AGAP1: variants seen among roughly 807,000 people sequenced by gnomAD.
AGAP1 encodes arf-GAP with GTPase, ANK repeat and PH domain-containing protein 1.
AGAP1 carries 29 observed loss-of-function variants against 105.3 expected under a neutral mutation model. The observed-to-expected ratio is 0.28, with a 90% CI of 0.21 to 0.38. AGAP1 has a LOEUF of 0.38. AGAP1 is among the 10% of genes least tolerant of loss of function. The pLI is 1.00. For missense variants in AGAP1, 998 were observed against 1,165.1 expected (o/e 0.86, Z 2.09); for synonymous variants, 509 against 485.9 (o/e 1.05, Z -0.63).
chr2:235,572,467 G>A (rs182744407), intron 1 of AGAP1, among the ~76,000 whole-genome samples: 9 of 152,110 alleles, frequency 5.9e-5, no homozygotes, highest in Admixed American at 1.3e-4. Flanking sequence ...CCCTTCCCCC[G>A]CAGGTGCTCC....
At position 235,739,912 on chromosome 2, in the gene AGAP1, T is replaced by A. The variant is rs1952476835; in HGVS notation, c.311-1051T>A. 6.6e-6 allele frequency among the ~76,000 whole-genome samples: 1 copy of A among 152,226 alleles called. No individual in the cohort carries two copies. Among genetic ancestry groups the A allele is most frequent in the African/African-American group, 2.4e-5 (1 of 41,468 alleles). ...GGCAGTGGAGCTGGCAGGCAGCCTC[T>A]GGGCTCTGGCAGCATTGTCCTCTGG... On this transcript the variant is annotated intron_variant, in intron 3 of 17. Coordinates refer to ENST00000304032, the MANE Select transcript of AGAP1 (RefSeq NM_001037131.3). The surrounding 1 kb of genome is among the most constrained non-coding windows in gnomAD (Gnocchi z 5.3).
Position 235,674,378 on chromosome 2 carries a change from A to AG in AGAP1, c.164-34796dup, listed in dbSNP as rs765983724. ...AATAATAAATGATAAATGACATTGT[A>AG]GGGGGTCCCCTTGCAGCGCATGCTC... is the stretch of plus-strand genomic sequence containing the variant. On this transcript the variant is annotated intron_variant, in intron 1 of 17. Transcript: ENST00000304032. Among the ~76,000 whole-genome samples, 30 of 152,354 alleles carry AG rather than the reference A, an allele frequency of 2.0e-4. No homozygotes were observed. In the South Asian group the frequency reaches 2.1e-3, roughly 11 times the overall value.
intron 9 of AGAP1, among the ~76,000 whole-genome samples, chr2:235,836,966 G>T (rs1960238083): frequency 6.6e-6 from 1 of 151,224 alleles, no homozygotes; most frequent in Non-Finnish European, 1.5e-5. Context: ...GAGTTCAAGG[G>T]TTTTTTGTTG....
rs2050389966 is a variant in AGAP1, at chr2:235,888,801, A to G, written c.1155+5352A>G. 6.6e-6 allele frequency among the ~76,000 whole-genome samples: 1 copy of G among 151,818 alleles called. No homozygotes were observed. The highest frequency in any genetic ancestry group is 2.4e-5 in the African/African-American group (1 of 41,334). ...CCCCAGCCTTCCCTGTGGCCACTTC[A>G]GCTCCTGCGTGCTCCCAGCAGTGCC... On this transcript the variant is annotated intron_variant, in intron 10 of 17. Transcript: ENST00000304032. This position sits in a 1 kb window ranked among gnomAD's most constrained non-coding sequence, Gnocchi z 4.8.
rs1000686872 is a variant in AGAP1 at position 235,556,341 on chromosome 2, G to C, written c.163+61492G>C. ...CTATACCTGCCTTCTGCATTCTGGG[G>C]CTACCCTTTGCTCCAGTGGCTACAG... On this transcript the variant is annotated intron_variant, in intron 1 of 17. Coordinates refer to ENST00000304032, the MANE Select transcript of AGAP1 (RefSeq NM_001037131.3). The surrounding 1 kb of genome is among the most constrained non-coding windows in gnomAD (Gnocchi z 5.3). Among the ~76,000 whole-genome samples, 2 of 152,230 alleles carry C rather than the reference G, an allele frequency of 1.3e-5. No homozygotes were observed. Among genetic ancestry groups the C allele is most frequent in the Admixed American group, 6.5e-5 (1 of 15,284 alleles).
chr2:235,624,161 T>A (rs540405989), intron 1 of AGAP1, among the ~76,000 whole-genome samples: 129 of 152,336 alleles, frequency 8.5e-4, no homozygotes, highest in Non-Finnish European at 1.5e-3. Flanking sequence ...ACAGGATGGT[T>A]CAAATACTAA....
chr2:235,644,294 G>A (rs1303981660), intron 1 of AGAP1, among the ~76,000 whole-genome samples: 3 of 152,206 alleles, frequency 2.0e-5, no homozygotes, highest in Non-Finnish European at 2.9e-5. Context: ...GAAGAACGGA[G>A]CGGAGCCTGT....
At chr2:235,815,484 A>G (rs936477115) in intron 9 of AGAP1, among the ~76,000 whole-genome samples, 2 of 152,162 alleles carry the variant, frequency 1.3e-5, no homozygotes, top group Admixed American at 6.5e-5. Flanking sequence ...TGAGGGCTTC[A>G]ACATGCAAAT....
chr2:235,878,413 C>G (rs1297543169), intron 9 of AGAP1, among the ~76,000 whole-genome samples: 1 of 152,102 alleles, frequency 6.6e-6, no homozygotes, highest in African/African-American at 2.4e-5. Flanking sequence ...TTGCACAACC[C>G]CAGGGGCTTG....
At chr2:235,942,864 T>C (rs1319528857) in intron 12 of AGAP1, among the ~76,000 whole-genome samples, 1 of 152,078 alleles carries the variant, frequency 6.6e-6, no homozygotes. Flanking sequence ...GGTAGTACAG[T>C]ATAAAAAGAT....
chr2:235,565,697 G>C (rs1358271005), intron 1 of AGAP1, among the ~76,000 whole-genome samples: 1 of 152,166 alleles, frequency 6.6e-6, no homozygotes, highest in Non-Finnish European at 1.5e-5. Context: ...GGTCGGCTCT[G>C]TCACCCGGGG....
intron 11 of AGAP1, among the ~76,000 whole-genome samples, chr2:235,920,458 TTC>T (rs1575782413): frequency 1.3e-5 from 2 of 152,156 alleles, no homozygotes; most frequent in Non-Finnish European, 2.9e-5. Context: ...GTTGTTTTTT[TTC>T]TCTCCTTCCT....
In AGAP1 at chr2:235,550,863, C is replaced by A. The variant is rs940694852; in HGVS notation, c.163+56014C>A. The stretch of plus-strand genomic sequence containing the variant: ...TGTCTCGGCTCACTACAACCTCCAC[C>A]TCCTGGGTCCAAGCAATTCTCCTGC... On this transcript the variant is annotated intron_variant, in intron 1 of 17. Transcript: ENST00000304032. The surrounding 1 kb of genome is among the most constrained non-coding windows in gnomAD (Gnocchi z 4.6). Among the ~76,000 whole-genome samples the A allele has an allele frequency of 1.6e-4, 24 of 152,140 alleles. No homozygotes were observed. The highest frequency in any genetic ancestry group is 5.6e-4 in the African/African-American group (23 of 41,426).
At chr2:236,106,235 A>G (rs1279794128) in intron 16 of AGAP1, among the ~76,000 whole-genome samples, 1 of 152,198 alleles carries the variant, frequency 6.6e-6, no homozygotes, top group East Asian at 1.9e-4. Flanking sequence ...TGGTTTTAGA[A>G]CTTTGATTGA....
intron 4 of AGAP1, among the ~76,000 whole-genome samples, chr2:235,743,058 T>C (rs951302945): frequency 2.6e-5 from 4 of 152,182 alleles, no homozygotes; most frequent in Non-Finnish European, 5.9e-5. Context: ...TCCTAGCTGT[T>C]TGGGAGGCTG....
intron 1 of AGAP1, among the ~76,000 whole-genome samples, chr2:235,626,291 G>A (rs1946634586): frequency 6.6e-6 from 1 of 152,202 alleles, no homozygotes; most frequent in African/African-American, 2.4e-5. Flanking sequence ...CCGAGAGGCA[G>A]AGGTTGCAGT....
chr2:235,781,611 T>C lies in AGAP1; in HGVS notation c.674-16148T>C, dbSNP rs1956267854. On this transcript the variant is annotated intron_variant, in intron 6 of 17. Transcript: ENST00000304032. ...TTATTGAATGCAGACAGTTTTTCAC[T>C]GGACACGTGTTCATTCCTAGATTCA... is the stretch of plus-strand genomic sequence containing the variant. 2.0e-5 allele frequency among the ~76,000 whole-genome samples: 3 copies of C among 152,170 alleles called. No individual in the cohort carries two copies. The South Asian group carries it at 6.2e-4, about 32-fold the overall frequency.
In AGAP1 at chr2:236,123,866, C is replaced by T; in HGVS notation, c.2371-53C>T. 5.0e-6 allele frequency: 8 copies of T among 1,604,840 alleles called. No individual in the cohort carries two copies. The highest frequency in any genetic ancestry group is 6.0e-6 in the Non-Finnish European group (7 of 1,174,598). On this transcript the variant is annotated intron_variant, in intron 17 of 17. Transcript: ENST00000304032. This position sits in a 1 kb window ranked among gnomAD's most constrained non-coding sequence, Gnocchi z 4.6. ...GGCTGAGAGAAAGCTTCCCTGCCCCCTCCCTCCATCACATCCCCCATGATA... is the reference window on the plus strand; with the variant it reads ...GGCTGAGAGAAAGCTTCCCTGCCCCTTCCCTCCATCACATCCCCCATGATA...
chr2:236,029,748 G>GT (rs1312954281), intron 13 of AGAP1, among the ~76,000 whole-genome samples: 1 of 147,698 alleles, frequency 6.8e-6, no homozygotes. Context: ...GCTCTTTTCT[G>GT]TTTTTTCTTT....
Sources: allele counts gnomAD v4.1 joint callset (sites outside exome capture counted in the v4.1 genomes callset), GRCh38; gene constraint gnomAD v4.1.1; non-coding constraint Gnocchi (gnomAD v3.1); transcripts MANE v1.5; gene names NCBI Gene and HGNC (gene_info 2026-07-23, HGNC 2026-07-21).